Variants in SLC38A8 observed in about 807,000 individuals in gnomAD.
SLC38A8 encodes the protein solute carrier family 38 member 8, also known as amino acid transporter SLC38A8.
Under a neutral mutation model 46.0 loss-of-function variants are expected in SLC38A8, and 65 were observed. The observed-to-expected ratio is 1.41, with a 90% CI of 1.16 to 1.74. The LOEUF (loss-of-function observed/expected upper bound fraction) is 1.74. Ranked by LOEUF, SLC38A8 falls within the 40% of genes most tolerant of loss-of-function variation. The pLI, the probability that SLC38A8 is intolerant of heterozygous loss-of-function variation, is 0.00. For missense variants in SLC38A8, 998 were observed against 567.9 expected (o/e 1.76, Z -7.70); for synonymous variants, 447 against 243.7 (o/e 1.83, Z -7.77).
At chr16:84,037,877 C>G (rs557880889) in intron 2 of SLC38A8, among the ~76,000 whole-genome samples, 2 of 144,720 alleles carry the variant, frequency 1.4e-5, no homozygotes, top group African/African-American at 5.2e-5. Flanking sequence ...GGCACGACCT[C>G]GGCTCATTGC....
intron 10 of SLC38A8, among the ~76,000 whole-genome samples, chr16:84,010,158 C>T (rs1012412169): frequency 6.7e-6 from 1 of 149,674 alleles, no homozygotes; most frequent in Non-Finnish European, 1.5e-5. Context: ...GCAGCCTCCA[C>T]CTCCCGGGTT....
In SLC38A8 at chr16:84,029,506, G is replaced by C; in HGVS notation, c.678C>G (p.Cys226Trp). 1 of 1,614,120 alleles carries C rather than the reference G, an allele frequency of 6.2e-7. No homozygotes were observed. Among genetic ancestry groups the C allele is most frequent in the Non-Finnish European group, 8.5e-7 (1 of 1,180,010 alleles). ...ATGCTAAAATTACCTGAAACCCGAA[G>C]CAGATGGTGGGGAAGACACTGAACA... is the stretch of plus-strand genomic sequence containing the variant. ...TSVFSVFPTI[C>W]FGFQCHEAAV... The change falls in exon 6 of 11, where the codon TGC becomes TGG. Residue 226 changes from cysteine (C) to tryptophan (W), a missense_variant. Cys to Trp is a radical substitution (Grantham distance 215, BLOSUM62 -2). Coordinates refer to ENST00000299709, the MANE Select transcript of SLC38A8 (RefSeq NM_001080442.3).
At chr16:84,015,709 G>C (rs2085017247) in intron 9 of SLC38A8, among the ~76,000 whole-genome samples, 1 of 152,112 alleles carries the variant, frequency 6.6e-6, no homozygotes, top group Non-Finnish European at 1.5e-5. Flanking sequence ...ACTAGGTAAT[G>C]GTTTGTTTTG....
chr16:84,031,499 G>C (rs900969252), intron 5 of SLC38A8, among the ~76,000 whole-genome samples: 1 of 152,188 alleles, frequency 6.6e-6, no homozygotes, highest in South Asian at 2.1e-4. Flanking sequence ...TGTTCCGGCT[G>C]GCTTGGCCAC....
chr16:84,012,604 CA>C (rs1165790522), intron 10 of SLC38A8, among the ~76,000 whole-genome samples: 2 of 152,194 alleles, frequency 1.3e-5, no homozygotes, highest in East Asian at 3.9e-4. Context: ...AGCCTGGGAA[CA>C]GCGACCCACT....
intron 2 of SLC38A8, among the ~76,000 whole-genome samples, 165 bp from the exon 3 acceptor site, chr16:84,037,065 C>G (rs2085308848): frequency 6.6e-6 from 1 of 152,148 alleles, no homozygotes. Context: ...TGCACACACC[C>G]CCACCCCACC....
intron 2 of SLC38A8, among the ~76,000 whole-genome samples, chr16:84,039,240 A>C (rs905747988): frequency 6.6e-6 from 1 of 152,188 alleles, no homozygotes; most frequent in Non-Finnish European, 1.5e-5. Flanking sequence ...GTGAGAGAAT[A>C]CATTTCCAGT....
intron 10 of SLC38A8, among the ~76,000 whole-genome samples, chr16:84,011,464 C>G (rs1464044332): frequency 1.3e-5 from 2 of 152,176 alleles, no homozygotes; most frequent in East Asian, 3.8e-4. Context: ...TTTGCAAAAA[C>G]CAAGCTTGGG....
At chr16:84,039,217 G>A (rs1450688418) in intron 2 of SLC38A8, among the ~76,000 whole-genome samples, 1 of 152,174 alleles carries the variant, frequency 6.6e-6, no homozygotes, top group Non-Finnish European at 1.5e-5. Context: ...TCAGATTCCT[G>A]ACCTCCAGAA....
At chr16:84,026,240 G>GTTTTGT (rs2085163176) in intron 6 of SLC38A8, among the ~76,000 whole-genome samples, 2 of 152,092 alleles carry the variant, frequency 1.3e-5, no homozygotes, top group South Asian at 4.1e-4. Context: ...GTTTTGTTTT[G>GTTTTGT]TTTTTTTGAG....
chr16:84,037,285 G>T (rs1208629166), intron 2 of SLC38A8, among the ~76,000 whole-genome samples: 1 of 152,230 alleles, frequency 6.6e-6, no homozygotes, highest in Non-Finnish European at 1.5e-5. Flanking sequence ...GGTGGAGCGG[G>T]CACAGCCGGG....
intron 3 of SLC38A8, among the ~76,000 whole-genome samples, chr16:84,034,221 TGCC>T (rs1477384207): frequency 1.3e-5 from 2 of 152,252 alleles, no homozygotes; most frequent in African/African-American, 4.8e-5. Flanking sequence ...AGGCAGAAGC[TGCC>T]TGTCCTCTTA....
Position 84,042,034 on chromosome 16 carries a change from G to A in SLC38A8, c.124C>T (p.Leu42=). 2 of 1,613,900 alleles carry A rather than the reference G, an allele frequency of 1.2e-6. No homozygotes were observed. Among genetic ancestry groups the A allele is most frequent in the East Asian group, 2.2e-5 (1 of 44,858 alleles). The change falls in exon 2 of 11, where the codon CTG becomes TTG. Residue 42 remains leucine (L), a synonymous_variant. Transcript: ENST00000299709. The stretch of plus-strand genomic sequence containing the variant: ...GAGAAGGCCCAGGGGAAGTTGAGCA[G>A]GCCAGCTCCCAGCGCGGACTTCATG... ...ILMKSALGAG[L]LNFPWAFSKA...
chr16:84,016,430 C>A, intron 9 of SLC38A8, 89 bp downstream of exon 9: 1 of 1,472,644 alleles, frequency 6.8e-7, no homozygotes. Context: ...TCCCACCTTC[C>A]AGAACCTTGA....
At chr16:84,017,112 C>G (rs767060771) in intron 8 of SLC38A8, 28 bp downstream of exon 8, 47 of 1,612,036 alleles carry the variant, frequency 2.9e-5, no homozygotes, top group Non-Finnish European at 3.9e-5. Context: ...CCATGCTTCA[C>G]GGTGCCCCCC....
At chr16:84,035,892 T>C (rs1567702998) in intron 3 of SLC38A8, among the ~76,000 whole-genome samples, 1 of 152,168 alleles carries the variant, frequency 6.6e-6, no homozygotes, top group African/African-American at 2.4e-5. Context: ...GACCTAAAGA[T>C]TAATATGGTT....
intron 6 of SLC38A8, among the ~76,000 whole-genome samples, chr16:84,028,045 ATTT>A (rs11297375): frequency 2.8e-5 from 4 of 145,452 alleles, no homozygotes; most frequent in African/African-American, 7.6e-5. Context: ...ATGTTTCAAG[ATTT>A]TTTTTTTTTT....
At chr16:84,017,799 G>A (rs9932738) in intron 7 of SLC38A8, among the ~76,000 whole-genome samples, 105 of 152,270 alleles carry the variant, frequency 6.9e-4, no homozygotes, top group African/African-American at 2.5e-3. Context: ...ACCCCGGGTT[G>A]CCTGCCCTGT....
At chr16:84,029,183 G>A (rs1023648064) in intron 6 of SLC38A8, among the ~76,000 whole-genome samples, 2 of 152,170 alleles carry the variant, frequency 1.3e-5, no homozygotes, top group Admixed American at 6.5e-5. Flanking sequence ...GTTCTGCAGA[G>A]GAAGGGACAG....
Sources: gnomAD v4.1 joint callset for allele counts (sites outside exome capture counted in the v4.1 genomes callset) on GRCh38, gnomAD v4.1.1 for gene constraint, MANE v1.5 for transcripts, NCBI Gene and HGNC (gene_info 2026-07-23, HGNC 2026-07-21) for gene names.